The following OSBPL5 variants were observed in gnomAD, a reference collection of about 807,000 sequenced individuals.
OSBPL5 encodes the protein oxysterol-binding protein-related protein 5.
OSBPL5 carries 71 observed loss-of-function variants against 111.2 expected under a neutral mutation model. The ratio of observed to expected loss-of-function variants is 0.64; its 90% CI spans 0.53 to 0.78. The LOEUF (loss-of-function observed/expected upper bound fraction) is 0.78, where lower values mean the gene tolerates loss of function less well. Ranked by LOEUF, OSBPL5 falls within the 30% of genes least tolerant of loss-of-function variation. The pLI is 0.00. For synonymous variants in OSBPL5, 549 were observed against 513.9 expected, an observed-to-expected ratio of 1.07 and a Z score of -0.93; for missense variants, 1,210 against 1,189.3, an observed-to-expected ratio of 1.02 and a Z score of -0.26.
chr11:3,128,904 A>C (rs1858728182), intron 2 of OSBPL5, 109 bp downstream of exon 2: 2 of 1,055,862 alleles, frequency 1.9e-6, no homozygotes, highest in Admixed American at 3.9e-5. Flanking sequence ...CACAGTCCCC[A>C]GCATGGAAGC....
chr11:3,092,403 G>A lies in OSBPL5; in HGVS notation c.2259+29C>T. 1.3e-6 allele frequency: 2 copies of A among 1,557,024 alleles called. No homozygotes were observed. The highest frequency in any genetic ancestry group is 1.8e-4 in the Middle Eastern group (1 of 5,636). On this transcript the variant is annotated intron_variant, in intron 19 of 21. Coordinates refer to ENST00000263650, the MANE Select transcript of OSBPL5 (RefSeq NM_020896.4). This position sits in a 1 kb window ranked among gnomAD's most constrained non-coding sequence, Gnocchi z 5.4. The stretch of plus-strand genomic sequence containing the variant: ...GTGGCCACACGTGCAGCTAAGACCA[G>A]CCCTGGGTGGGGCCTGTGGGGTGCT...
In OSBPL5 at chr11:3,088,086, A is replaced by G; in HGVS notation, c.*119T>C. ...GGCCCCGGGTCCCTCCTGCGCCTGG[A>G]CTCCCCGTCACAGTGGCTGTGCTTG... On this transcript the variant is annotated 3_prime_UTR_variant, in exon 22 of 22. Coordinates refer to ENST00000263650, the MANE Select transcript of OSBPL5 (RefSeq NM_020896.4). 9.9e-7 allele frequency: 1 copy of G among 1,010,368 alleles called. No individual in the cohort carries two copies. The highest frequency in any genetic ancestry group is 1.4e-6 in the Non-Finnish European group (1 of 734,398). 62.6% of individuals were successfully genotyped at this position (1,010,368 alleles called of 1,614,324 possible). A position where few individuals can be genotyped will look rare whatever the true frequency, so the allele number is the denominator to read the frequency against.
At chr11:3,159,855 A>C (rs4237786) in intron 1 of OSBPL5, among the ~76,000 whole-genome samples, 122,200 of 152,118 alleles carry the variant, frequency 0.8, 49,656 homozygotes, top group African/African-American at 0.89. Context: ...AAGACCATCT[A>C]GGGCCAGCCA....
At chr11:3,111,963 GTGTGTGCATATGTGTGCGCGCA>G (rs764175124) in intron 7 of OSBPL5, among the ~76,000 whole-genome samples, 425 of 140,902 alleles carry the variant, frequency 3.0e-3, no homozygotes, top group South Asian at 8.5e-3. Flanking sequence ...CTGTGTGTGT[GTGTGTGCATATGTGTGCGCGCA>G]TGTGTGTGCA....
chr11:3,088,591 G>A (rs1856954351), intron 21 of OSBPL5, among the ~76,000 whole-genome samples: 1 of 152,096 alleles, frequency 6.6e-6, no homozygotes, highest in Admixed American at 6.5e-5. Flanking sequence ...CAGGGATTGG[G>A]GAGTCAGCCT....
chr11:3,099,704 A>G (rs1857388162), intron 14 of OSBPL5, among the ~76,000 whole-genome samples: 1 of 152,252 alleles, frequency 6.6e-6, no homozygotes, highest in African/African-American at 2.4e-5. Flanking sequence ...AATGGAAGCC[A>G]CAAGGCAAGC....
At chr11:3,152,634 G>A (rs1393066267) in intron 1 of OSBPL5, among the ~76,000 whole-genome samples, 1 of 152,200 alleles carries the variant, frequency 6.6e-6, no homozygotes, top group African/African-American at 2.4e-5. Flanking sequence ...GGCGAGGCAC[G>A]CAGCGCCCCT....
intron 17 of OSBPL5, 85 bp downstream of exon 17, chr11:3,093,442 T>C: frequency 6.4e-7 from 1 of 1,552,166 alleles, no homozygotes; most frequent in Non-Finnish European, 8.7e-7. Context: ...GGGGCCATGC[T>C]CACAGCACTG....
intron 1 of OSBPL5, among the ~76,000 whole-genome samples, chr11:3,145,096 G>T (rs1467204145): frequency 6.6e-6 from 1 of 152,200 alleles, no homozygotes; most frequent in South Asian, 2.1e-4. Flanking sequence ...TCAGCCACAG[G>T]AGCCCATCCC....
intron 1 of OSBPL5, among the ~76,000 whole-genome samples, chr11:3,157,565 T>C (rs1226919566): frequency 6.6e-6 from 1 of 152,026 alleles, no homozygotes; most frequent in Admixed American, 6.5e-5. Flanking sequence ...CTGGGGTGGC[T>C]CCACAGGCCA....
chr11:3,122,650 G>A (rs1858465314), intron 3 of OSBPL5, among the ~76,000 whole-genome samples: 1 of 152,188 alleles, frequency 6.6e-6, no homozygotes, highest in African/African-American at 2.4e-5. Flanking sequence ...ATGGGCACAC[G>A]CCAGTGACAG....
chr11:3,125,618 A>C (rs111507491), intron 3 of OSBPL5, among the ~76,000 whole-genome samples: 1 of 152,180 alleles, frequency 6.6e-6, no homozygotes, highest in Non-Finnish European at 1.5e-5. Flanking sequence ...ATCCTGGCTA[A>C]CACGGTGAAA....
chr11:3,154,696 A>G lies in OSBPL5; in HGVS notation c.-22+10520T>C, dbSNP rs950888329. Among the ~76,000 whole-genome samples the G allele has an allele frequency of 6.6e-6, 1 of 152,086 alleles. No individual in the cohort carries two copies. The highest frequency in any genetic ancestry group is 1.5e-5 in the Non-Finnish European group (1 of 68,012). ...GGTTAGTCTGACTGCTCCACTACCC[A>G]TGGTTATGGGCTAAATGTGTCCCCT... On this transcript the variant is annotated intron_variant, in intron 1 of 21. Coordinates refer to ENST00000263650, the MANE Select transcript of OSBPL5 (RefSeq NM_020896.4). The surrounding 1 kb of genome is among the most constrained non-coding windows in gnomAD (Gnocchi z 4.9).
intron 14 of OSBPL5, among the ~76,000 whole-genome samples, chr11:3,099,353 A>T (rs115033560): frequency 4.3e-4 from 65 of 152,272 alleles, no homozygotes; most frequent in African/African-American, 1.5e-3. Context: ...CAACACAAGG[A>T]GTGAAAAGGA....
Position 3,106,709 on chromosome 11 carries a change from C to T in OSBPL5, c.1059+554G>A, listed in dbSNP as rs1377478000. 1.3e-5 allele frequency among the ~76,000 whole-genome samples: 2 copies of T among 152,158 alleles called. No homozygotes were observed. Among genetic ancestry groups the T allele is most frequent in the African/African-American group, 2.4e-5 (1 of 41,442 alleles). ...ACGTCTTCAGAAAGAGCCCATGGCC[C>T]GGTTTGCCTCCCTCACCTGCTCCCC... On this transcript the variant is annotated intron_variant, in intron 9 of 21. Transcript: ENST00000263650. This position sits in a 1 kb window ranked among gnomAD's most constrained non-coding sequence, Gnocchi z 8.4.
In OSBPL5 at chr11:3,141,640, C is replaced by T. The variant is rs1488930606; in HGVS notation, c.-21-12471G>A. Among the ~76,000 whole-genome samples the T allele has an allele frequency of 1.3e-5, 2 of 152,188 alleles. No homozygotes were observed. The highest frequency in any genetic ancestry group is 6.5e-5 in the Admixed American group (1 of 15,286). ...CCTCCAAGGGGAACCCTTCTATGAACGGAAAGCTCGCACCTCGCTCAATGC... is the reference window on the plus strand; with the variant it reads ...CCTCCAAGGGGAACCCTTCTATGAATGGAAAGCTCGCACCTCGCTCAATGC... On this transcript the variant is annotated intron_variant, in intron 1 of 21. Transcript: ENST00000263650. The surrounding 1 kb of genome is among the most constrained non-coding windows in gnomAD (Gnocchi z 6.5).
Position 3,088,251 on chromosome 11 carries a change from C to T in OSBPL5, c.2594G>A (p.Cys865Tyr). The T allele has an allele frequency of 6.2e-7, 1 of 1,606,334 alleles. No individual in the cohort carries two copies. The highest frequency in any genetic ancestry group is 8.5e-7 in the Non-Finnish European group (1 of 1,176,398). The change falls in exon 22 of 22, where the codon TGC becomes TAC. Residue 865 changes from cysteine to tyrosine, a missense_variant. Physicochemically the swap from Cys to Tyr is radical, Grantham distance 194 (BLOSUM62 -2). Coordinates refer to ENST00000263650, the MANE Select transcript of OSBPL5 (RefSeq NM_020896.4). The stretch of plus-strand genomic sequence containing the variant: ...GAACAGCTGACACGCCAGGAACACG[C>T]AGAGCAGGAACCAGGATCGGGGGCT... ...LQSPRSWFLL[C>Y]VFLACQLFIN...
chr11:3,099,455 A>G (rs1422938520), intron 14 of OSBPL5, among the ~76,000 whole-genome samples: 1 of 152,218 alleles, frequency 6.6e-6, no homozygotes, highest in East Asian at 1.9e-4. Flanking sequence ...TGTTAATAAC[A>G]GGGGAAACTG....
At position 3,093,588 on chromosome 11, in the gene OSBPL5, T is replaced by G; in HGVS notation, c.1885A>C (p.Arg629=). Residue 629 remains arginine (R), a synonymous_variant, in exon 17 of 22, where the codon AGA becomes CGA. Coordinates refer to ENST00000263650, the MANE Select transcript of OSBPL5 (RefSeq NM_020896.4). ...LFWTPSGEVR[R]QRLRQHTVPL... is the part of the protein sequence containing the mutation. ...ACCGTGTGCTGCCTCAGCCTCTGTC[T>G]GCGGACCTCCCCGCTCGGGGTCCAG... 1 of 1,612,656 alleles carries G rather than the reference T, an allele frequency of 6.2e-7. No individual in the cohort carries two copies. The highest frequency in any genetic ancestry group is 8.5e-7 in the Non-Finnish European group (1 of 1,179,988).
Sources: allele counts gnomAD v4.1 joint callset (sites outside exome capture counted in the v4.1 genomes callset), GRCh38; gene constraint gnomAD v4.1.1; non-coding constraint Gnocchi (gnomAD v3.1); transcripts MANE v1.5; gene names NCBI Gene and HGNC (gene_info 2026-07-23, HGNC 2026-07-21).